Variants in WIPF3 observed in about 807,000 individuals in gnomAD.
WIPF3 encodes WAS/WASL interacting protein family member 3.
Under a neutral mutation model 38.9 loss-of-function variants are expected in WIPF3, and 33 were observed. The ratio of observed to expected loss-of-function variants is 0.85; its 90% CI spans 0.64 to 1.14. WIPF3 has a LOEUF of 1.14. WIPF3 is among the 50% of genes most tolerant of loss of function. The pLI is 0.00. For missense variants in WIPF3, 711 were observed against 652.5 expected (o/e 1.09, Z -0.98); for synonymous variants, 324 against 269.3 (o/e 1.20, Z -1.99).
chr7:29,910,013 T>C (rs571638836), intron 8 of WIPF3, among the ~76,000 whole-genome samples: 27 of 152,248 alleles, frequency 1.8e-4, no homozygotes, highest in Admixed American at 6.5e-4. Flanking sequence ...GACCTACTAT[T>C]TGATAGCACA....
intron 7 of WIPF3, among the ~76,000 whole-genome samples, 186 bp downstream of exon 7, chr7:29,889,593 G>A (rs1277228762): frequency 6.6e-6 from 1 of 152,170 alleles, no homozygotes; most frequent in Non-Finnish European, 1.5e-5. Context: ...ATACCTAAGT[G>A]TTCATTTAGA....
chr7:29,875,732 G>A, intron 2 of WIPF3, 98 bp from the exon 3 acceptor site: 3 of 1,509,920 alleles, frequency 2.0e-6, no homozygotes, highest in Middle Eastern at 1.8e-4. Context: ...GTGGGACGGG[G>A]AAGACAGAGA....
chr7:29,893,501 G>T (rs1016957534), intron 7 of WIPF3, among the ~76,000 whole-genome samples: 3 of 152,154 alleles, frequency 2.0e-5, no homozygotes, highest in Non-Finnish European at 4.4e-5. Flanking sequence ...GCTTTAAGCT[G>T]CCAATGAACA....
intron 1 of WIPF3, among the ~76,000 whole-genome samples, chr7:29,820,007 C>T (rs1784512425): frequency 6.6e-6 from 1 of 151,952 alleles, no homozygotes; most frequent in Non-Finnish European, 1.5e-5. Flanking sequence ...TCATATATTT[C>T]CCCGTACCTT....
intron 2 of WIPF3, among the ~76,000 whole-genome samples, chr7:29,854,098 C>A (rs1294402287): frequency 6.6e-6 from 1 of 152,204 alleles, no homozygotes; most frequent in Non-Finnish European, 1.5e-5. Flanking sequence ...CAGCATGAAT[C>A]AGTGAGGCAC....
chr7:29,816,868 A>G (rs914658926), intron 1 of WIPF3, among the ~76,000 whole-genome samples: 5 of 152,202 alleles, frequency 3.3e-5, no homozygotes, highest in African/African-American at 1.2e-4. Context: ...ATTATTTCTC[A>G]CACGTGAGAA....
intron 6 of WIPF3, among the ~76,000 whole-genome samples, chr7:29,888,692 C>T (rs1785943880): frequency 6.6e-6 from 1 of 152,174 alleles, no homozygotes. Flanking sequence ...TGGAATCTTT[C>T]GATCCCTTCT....
At chr7:29,816,004 G>A (rs77193671) in intron 1 of WIPF3, among the ~76,000 whole-genome samples, 276 of 152,194 alleles carry the variant, frequency 1.8e-3, no homozygotes, top group East Asian at 0.017. Flanking sequence ...AGACCAAATC[G>A]TCAAGACCAT....
chr7:29,831,021 G>A (rs947798024), intron 1 of WIPF3, among the ~76,000 whole-genome samples: 5 of 152,162 alleles, frequency 3.3e-5, no homozygotes, highest in Admixed American at 6.5e-5. Context: ...AGACACTGAC[G>A]AGCATGTTCC....
chr7:29,889,094 C>T (rs957907755), intron 6 of WIPF3, among the ~76,000 whole-genome samples: 3 of 152,178 alleles, frequency 2.0e-5, no homozygotes, highest in African/African-American at 7.2e-5. Context: ...GGATTTCCCT[C>T]TTCCTGCTTC....
intron 2 of WIPF3, among the ~76,000 whole-genome samples, chr7:29,866,692 C>G (rs1583609719): frequency 6.6e-6 from 1 of 152,386 alleles, no homozygotes; most frequent in South Asian, 2.1e-4. Flanking sequence ...TTGGCCCCAG[C>G]CTTCTTCGGC....
intron 1 of WIPF3, among the ~76,000 whole-genome samples, chr7:29,833,614 C>T (rs1212355448): frequency 2.6e-5 from 4 of 152,132 alleles, no homozygotes; most frequent in African/African-American, 9.7e-5. Context: ...TGCATAAATG[C>T]TTTTGGCCTC....
intron 8 of WIPF3, chr7:29,904,620 C>T: frequency 4.7e-6 from 2 of 429,896 alleles, no homozygotes; most frequent in Non-Finnish European, 8.4e-6. Flanking sequence ...TGACATTCTG[C>T]AACAATCATG....
intron 2 of WIPF3, among the ~76,000 whole-genome samples, chr7:29,843,226 G>A (rs995015145): frequency 7.9e-5 from 12 of 152,314 alleles, no homozygotes; most frequent in Admixed American, 5.2e-4. Context: ...GGTGTGGCAG[G>A]ACCTGCCACT....
intron 1 of WIPF3, among the ~76,000 whole-genome samples, chr7:29,813,836 A>G (rs1482010227): frequency 1.3e-5 from 2 of 152,032 alleles, no homozygotes; most frequent in Non-Finnish European, 2.9e-5. Flanking sequence ...CCTCCCCTCA[A>G]TCCTTGACAA....
intron 7 of WIPF3, among the ~76,000 whole-genome samples, chr7:29,895,406 T>C (rs1786120581): frequency 6.6e-6 from 1 of 152,128 alleles, no homozygotes; most frequent in African/African-American, 2.4e-5. Context: ...CTATTCACAA[T>C]AGCTAAAAGG....
intron 2 of WIPF3, among the ~76,000 whole-genome samples, chr7:29,849,669 C>T (rs1344848306): frequency 1.3e-5 from 2 of 152,080 alleles, no homozygotes; most frequent in Non-Finnish European, 2.9e-5. Flanking sequence ...AGCTTCTGGT[C>T]ATGGAGATAG....
At chr7:29,849,581 G>GC (rs1314965506) in intron 2 of WIPF3, among the ~76,000 whole-genome samples, 1 of 152,198 alleles carries the variant, frequency 6.6e-6, no homozygotes, top group African/African-American at 2.4e-5. Flanking sequence ...CTGACTAAAT[G>GC]CCTCTCGTGA....
chr7:29,909,905 A>G (rs1340477856), intron 8 of WIPF3, among the ~76,000 whole-genome samples: 1 of 45,936 alleles, frequency 2.2e-5, no homozygotes, highest in African/African-American at 4.3e-5. Context: ...CAAAAAAAAA[A>G]AGAAAAAGAA....
Sources: gnomAD v4.1 joint callset for allele counts (sites outside exome capture counted in the v4.1 genomes callset) on GRCh38, gnomAD v4.1.1 for gene constraint, MANE v1.5 for transcripts, NCBI Gene and HGNC (gene_info 2026-07-23, HGNC 2026-07-21) for gene names.